The following DLC1 variants were observed in gnomAD, a reference collection of about 807,000 sequenced individuals.
DLC1 encodes the protein rho GTPase-activating protein 7.
In DLC1, 54 loss-of-function variants were observed where a neutral mutation model predicts 140.3. The observed-to-expected ratio is 0.38, with a 90% CI of 0.31 to 0.48. The LOEUF is 0.48. DLC1 is among the 20% of genes least tolerant of loss of function. DLC1 has a pLI of 0.96. For synonymous variants in DLC1, 986 were observed against 728.1 expected, an observed-to-expected ratio of 1.35 and a Z score of -5.70; for missense variants, 2,536 against 1,907.0, an observed-to-expected ratio of 1.33 and a Z score of -6.14.
chr8:13,349,802 A>T (rs1196148168), intron 4 of DLC1, among the ~76,000 whole-genome samples: 1 of 152,210 alleles, frequency 6.6e-6, no homozygotes, highest in African/African-American at 2.4e-5. Context: ...GAGAATCTAG[A>T]AAAGGGGCAA....
intron 1 of DLC1, among the ~76,000 whole-genome samples, chr8:13,552,831 T>C (rs1028481002): frequency 6.6e-6 from 1 of 151,964 alleles, no homozygotes. Flanking sequence ...GTACAAAGTC[T>C]AAGTGAAAGA....
intron 5 of DLC1, among the ~76,000 whole-genome samples, chr8:13,166,476 G>A (rs1825117177): frequency 6.6e-6 from 1 of 152,112 alleles, no homozygotes; most frequent in Admixed American, 6.5e-5. Flanking sequence ...AAGTAGCTGG[G>A]ATTACAGGTG....
rs906054363 is a variant in DLC1 at position 13,578,178 on chromosome 8, G to A, written c.-126+26359C>T. Among the ~76,000 whole-genome samples, 9 of 151,928 alleles carry A rather than the reference G, an allele frequency of 5.9e-5. No homozygotes were observed. In the South Asian group the frequency reaches 1.2e-3, roughly 21 times the overall value. On this transcript the variant is annotated intron_variant, in intron 1 of 1. Coordinates refer to the DLC1 transcript ENST00000631382. ...AGTAACTCAGCACAGCTGCTGCTCC[G>A]TACCAAGGATGACCACATGGCCACC...
At chr8:13,365,330 C>G (rs751591192) in intron 4 of DLC1, among the ~76,000 whole-genome samples, 2 of 152,142 alleles carry the variant, frequency 1.3e-5, no homozygotes, top group Admixed American at 6.5e-5. Context: ...CTAAGGTGCA[C>G]GTGGAGCTGA....
intron 1 of DLC1, among the ~76,000 whole-genome samples, chr8:13,603,932 TGG>T (rs1805966908): frequency 6.6e-6 from 1 of 152,134 alleles, no homozygotes; most frequent in African/African-American, 2.4e-5. Flanking sequence ...TGAGTCTGTT[TGG>T]TACATTAGCT....
Position 13,355,909 on chromosome 8 carries a change from C to T in DLC1, c.1314+37644G>A, listed in dbSNP as rs144180987. Among the ~76,000 whole-genome samples, 602 of 149,362 alleles carry T rather than the reference C, an allele frequency of 4.0e-3. 3 individuals carry two copies. The highest frequency in any genetic ancestry group is 0.014 in the African/African-American group (576 of 40,772). On this transcript the variant is annotated intron_variant, in intron 4 of 17. Coordinates refer to ENST00000276297, the MANE Select transcript of DLC1 (RefSeq NM_182643.3). ...ACCATCTTGGCTAACATGGTGAAAC[C>T]CCGTCTCTACTAAAAAAAAAATTCA...
rs1398393167 is a variant in DLC1 at position 13,219,020 on chromosome 8, A to T, written c.1348+86249T>A. Among the ~76,000 whole-genome samples, 34 of 94,458 alleles carry T rather than the reference A, an allele frequency of 3.6e-4. 5 individuals are homozygous for T. Among genetic ancestry groups the T allele is most frequent in the South Asian group, 9.8e-4 (3 of 3,072 alleles). The allele number at this position is 94,458 out of a possible 152,430, so 62.0% of individuals were successfully genotyped here. The stretch of plus-strand genomic sequence containing the variant: ...TACGAATATAATTATATAATTATAT[A>T]CGTATATAATTATGTGAATATAATT... On this transcript the variant is annotated intron_variant, in intron 5 of 17. Transcript: ENST00000276297.
intron 1 of DLC1, among the ~76,000 whole-genome samples, chr8:13,506,422 T>C (rs972913846): frequency 6.6e-6 from 1 of 151,656 alleles, no homozygotes; most frequent in African/African-American, 2.4e-5. Flanking sequence ...TTCTTACTTC[T>C]TCCTTAGATA....
At chr8:13,580,134 T>TTTTTTTA (rs1231233972) in intron 1 of DLC1, among the ~76,000 whole-genome samples, 1 of 149,024 alleles carries the variant, frequency 6.7e-6, no homozygotes, top group East Asian at 2.0e-4. Flanking sequence ...TATTTTTTTA[T>TTTTTTTA]TTTTTTGAGA....
At chr8:13,429,711 T>A (rs1286138664) in intron 2 of DLC1, among the ~76,000 whole-genome samples, 1 of 152,220 alleles carries the variant, frequency 6.6e-6, no homozygotes, top group Non-Finnish European at 1.5e-5. Flanking sequence ...TTCTTGTTAG[T>A]ATCTATTTGG....
chr8:13,449,725 C>G (rs756029493), intron 2 of DLC1, among the ~76,000 whole-genome samples: 1 of 152,036 alleles, frequency 6.6e-6, no homozygotes, highest in African/African-American at 2.4e-5. Flanking sequence ...ATGTAAATGA[C>G]AAGTTAATGG....
At chr8:13,145,332 A>G (rs1222705633) in intron 5 of DLC1, among the ~76,000 whole-genome samples, 1 of 152,222 alleles carries the variant, frequency 6.6e-6, no homozygotes, top group Non-Finnish European at 1.5e-5. Flanking sequence ...ATTAGACAAA[A>G]GATATAACTG....
intron 6 of DLC1, among the ~76,000 whole-genome samples, chr8:13,112,168 G>A (rs3779992): frequency 0.41 from 62,157 of 151,758 alleles, 13,665 homozygotes; most frequent in South Asian, 0.54. Flanking sequence ...TAAATAAAAA[G>A]TAAAAAAATC....
intron 4 of DLC1, among the ~76,000 whole-genome samples, chr8:13,365,751 G>C (rs759474095): frequency 6.6e-6 from 1 of 152,078 alleles, no homozygotes; most frequent in African/African-American, 2.4e-5. Flanking sequence ...ATGTCTCACC[G>C]AGGAATAGGG....
At chr8:13,217,173 A>C (rs930720575) in intron 5 of DLC1, among the ~76,000 whole-genome samples, 2 of 152,212 alleles carry the variant, frequency 1.3e-5, no homozygotes, top group African/African-American at 4.8e-5. Flanking sequence ...CAGTTCTCTT[A>C]CTATTTGTAT....
At chr8:13,586,739 A>G (rs1276604842) in intron 1 of DLC1, among the ~76,000 whole-genome samples, 1 of 152,072 alleles carries the variant, frequency 6.6e-6, no homozygotes, top group Non-Finnish European at 1.5e-5. Context: ...TATCACAACC[A>G]GAATGTTGAC....
chr8:13,247,288 T>C (rs1192225322), intron 5 of DLC1, among the ~76,000 whole-genome samples: 3 of 152,180 alleles, frequency 2.0e-5, no homozygotes, highest in Non-Finnish European at 4.4e-5. Flanking sequence ...CAGTTGTTAC[T>C]AGGTCAGAAG....
intron 2 of DLC1, among the ~76,000 whole-genome samples, chr8:13,405,241 C>G (rs779596104): frequency 1.3e-5 from 2 of 152,122 alleles, no homozygotes; most frequent in Non-Finnish European, 2.9e-5. Context: ...GATCCTGTCA[C>G]CCAGGTAGTG....
chr8:13,408,889 A>G (rs7844719), intron 2 of DLC1, among the ~76,000 whole-genome samples: 4,292 of 152,290 alleles, frequency 0.028, 203 homozygotes, highest in African/African-American at 0.096. Context: ...TAAGAAAAAT[A>G]TCTATTTAAC....
Sources: allele counts gnomAD v4.1 joint callset (sites outside exome capture counted in the v4.1 genomes callset), GRCh38; gene constraint gnomAD v4.1.1; transcripts MANE v1.5; gene names NCBI Gene and HGNC (gene_info 2026-07-23, HGNC 2026-07-21).